The following LRRC1 variants were observed in gnomAD, a reference collection of about 807,000 sequenced individuals.
LRRC1 encodes leucine-rich repeat-containing protein 1.
In LRRC1, 28 loss-of-function variants were observed where a neutral mutation model predicts 69.9. The observed-to-expected ratio is 0.40, with a 90% CI of 0.30 to 0.55. The LOEUF is 0.55. Ranked by LOEUF, LRRC1 falls within the 20% of genes least tolerant of loss-of-function variation. LRRC1 has a pLI of 0.47. For missense variants in LRRC1, 498 were observed against 609.0 expected (o/e 0.82, Z 1.92); for synonymous variants, 236 against 240.2 (o/e 0.98, Z 0.16).
At chr6:53,887,320 C>T (rs914838812) in intron 4 of LRRC1, among the ~76,000 whole-genome samples, 4 of 152,186 alleles carry the variant, frequency 2.6e-5, no homozygotes, top group African/African-American at 9.7e-5. Context: ...AAATGCTTTA[C>T]CAAAAGAACT....
chr6:53,847,716 T>A (rs1180727725), intron 2 of LRRC1, among the ~76,000 whole-genome samples: 1 of 152,226 alleles, frequency 6.6e-6, no homozygotes, highest in Non-Finnish European at 1.5e-5. Flanking sequence ...TGCTGATCAA[T>A]GTTTGGTCTA....
At chr6:53,878,849 T>G in intron 2 of LRRC1, 144 bp from the exon 3 acceptor site, 1 of 514,050 alleles carries the variant, frequency 1.9e-6, no homozygotes, top group Admixed American at 3.4e-5. Flanking sequence ...AATATAAATA[T>G]ATTAAAATAC....
At chr6:53,909,945 A>T (rs1410180364) in intron 10 of LRRC1, among the ~76,000 whole-genome samples, 3 of 152,234 alleles carry the variant, frequency 2.0e-5, no homozygotes, top group African/African-American at 7.2e-5. Context: ...GAAGATAAAC[A>T]GACGTGACTA....
chr6:53,850,622 G>A (rs536882147), intron 2 of LRRC1, among the ~76,000 whole-genome samples: 5 of 152,332 alleles, frequency 3.3e-5, no homozygotes, highest in Admixed American at 1.3e-4. Flanking sequence ...AGCTGATACT[G>A]TGTTGCAAAG....
chr6:53,913,760 T>C lies in LRRC1; in HGVS notation c.991-94T>C, dbSNP rs1246449058. On this transcript the variant is annotated intron_variant, in intron 10 of 13. Coordinates refer to ENST00000370888, the MANE Select transcript of LRRC1 (RefSeq NM_018214.5). ...GAGTTATGTGGTATAAGTTTATGCA[T>C]CCTTTTTATACTGTTTGGTAAACAA... The C allele has an allele frequency of 4.4e-6, 3 of 676,446 alleles. No individual in the cohort carries two copies. The Admixed American group carries it at 7.2e-5, about 16-fold the overall frequency. The allele number at this position is 676,446 out of a possible 1,614,324, so 41.9% of individuals were successfully genotyped here.
intron 3 of LRRC1, among the ~76,000 whole-genome samples, chr6:53,879,871 C>CA (rs1396018860): frequency 1.3e-5 from 2 of 152,136 alleles, no homozygotes; most frequent in Admixed American, 1.3e-4. Context: ...CATGGGCTTC[C>CA]AGGCATCTTG....
In LRRC1 at chr6:53,795,091, C is replaced by G. The variant is rs1284745285; in HGVS notation, c.-166C>G. ...GGGCAGGGGCTCCCGCTCCAGGTTC[C>G]TTGAAGCACTTCCGACCGCGAAGCC... On this transcript the variant is annotated 5_prime_UTR_variant, in exon 1 of 14. Transcript: ENST00000370888. 9.8e-6 allele frequency: 6 copies of G among 610,412 alleles called. No individual in the cohort carries two copies. Among genetic ancestry groups the G allele is most frequent in the Non-Finnish European group, 1.6e-5 (6 of 368,200 alleles). 37.8% of individuals were successfully genotyped at this position (610,412 alleles called of 1,614,324 possible).
intron 11 of LRRC1, among the ~76,000 whole-genome samples, chr6:53,916,201 C>A (rs958749521): frequency 6.6e-6 from 1 of 152,144 alleles, no homozygotes; most frequent in Non-Finnish European, 1.5e-5. Context: ...GAATATCCAC[C>A]AAGTGTGCAA....
intron 4 of LRRC1, among the ~76,000 whole-genome samples, chr6:53,895,681 AC>A (rs1767846431): frequency 6.6e-6 from 1 of 152,164 alleles, no homozygotes; most frequent in Non-Finnish European, 1.5e-5. Context: ...TGCTGACATA[AC>A]TTCATGAGGG....
chr6:53,827,311 A>AC (rs1491216857), intron 1 of LRRC1, among the ~76,000 whole-genome samples: 2 of 22,040 alleles, frequency 9.1e-5, no homozygotes, highest in East Asian at 2.3e-3. Flanking sequence ...ACACTTCCAC[A>AC]AAAAAAAAAA....
chr6:53,815,080 A>C (rs1302083299), intron 1 of LRRC1, among the ~76,000 whole-genome samples: 2 of 151,872 alleles, frequency 1.3e-5, no homozygotes, highest in African/African-American at 4.8e-5. Flanking sequence ...GTTCTTTTAA[A>C]AAATACAGAT....
At chr6:53,807,825 A>C (rs529547420) in intron 1 of LRRC1, among the ~76,000 whole-genome samples, 16 of 152,328 alleles carry the variant, frequency 1.1e-4, no homozygotes, top group African/African-American at 3.8e-4. Flanking sequence ...ATGCAAATGG[A>C]GATTTCTATT....
chr6:53,818,323 A>G (rs1474690593), intron 1 of LRRC1, among the ~76,000 whole-genome samples: 1 of 152,182 alleles, frequency 6.6e-6, no homozygotes, highest in Non-Finnish European at 1.5e-5. Flanking sequence ...ATTCTGTTTT[A>G]TAAATAGAAA....
intron 2 of LRRC1, among the ~76,000 whole-genome samples, chr6:53,855,688 A>G (rs528913965): frequency 5.3e-5 from 8 of 152,346 alleles, no homozygotes; most frequent in East Asian, 1.9e-4. Context: ...GACATTAGCC[A>G]TAAGTGGAGT....
At chr6:53,818,609 C>T (rs1210597448) in intron 1 of LRRC1, among the ~76,000 whole-genome samples, 2 of 152,088 alleles carry the variant, frequency 1.3e-5, no homozygotes, top group African/African-American at 4.8e-5. Flanking sequence ...TTTTACAAAA[C>T]AATGCTAAAC....
rs1768779709 is a variant in LRRC1, at chr6:53,922,819, TG to T, written c.*27del. On this transcript the variant is annotated 3_prime_UTR_variant, in exon 14 of 14. Transcript: ENST00000370888. ...AGTTTCACCTCCAAGTTTTACCTCC[TG>T]TGTCTTCCTCTGCTGTCGAGACGTT... The T allele has an allele frequency of 1.9e-6, 3 of 1,605,834 alleles. No homozygotes were observed. Among genetic ancestry groups the T allele is most frequent in the Non-Finnish European group, 2.6e-6 (3 of 1,174,932 alleles).
At chr6:53,900,017 A>AT in intron 8 of LRRC1, 126 bp downstream of exon 8, 1 of 379,108 alleles carries the variant, frequency 2.6e-6, no homozygotes, top group Non-Finnish European at 4.2e-6. Flanking sequence ...AAGTCTCCTT[A>AT]CTGTTTTTTT....
chr6:53,891,629 G>T (rs1767684138), intron 4 of LRRC1, among the ~76,000 whole-genome samples: 2 of 152,078 alleles, frequency 1.3e-5, no homozygotes, highest in East Asian at 1.9e-4. Context: ...CGGTTTGGTA[G>T]TGGGAAGCTG....
At chr6:53,882,860 G>C in intron 3 of LRRC1, 27 bp from the exon 4 acceptor site, 2 of 1,438,928 alleles carry the variant, frequency 1.4e-6, no homozygotes, top group Non-Finnish European at 9.7e-7. Flanking sequence ...TTAATTTACA[G>C]CGTTTTGTTT....
Sources: gnomAD v4.1 joint callset for allele counts (sites outside exome capture counted in the v4.1 genomes callset) on GRCh38, gnomAD v4.1.1 for gene constraint, MANE v1.5 for transcripts, NCBI Gene and HGNC (gene_info 2026-07-23, HGNC 2026-07-21) for gene names.